Variants in ALDH1A2 observed in about 807,000 individuals in gnomAD.
ALDH1A2 encodes the protein retinal dehydrogenase 2.
A neutral mutation model predicts 60.3 loss-of-function variants in ALDH1A2; 27 were observed. The observed-to-expected ratio is 0.45, with a 90% CI of 0.33 to 0.62. The LOEUF is 0.62. Ranked by LOEUF, ALDH1A2 falls within the 20% of genes least tolerant of loss-of-function variation. The pLI is 0.02. For synonymous variants in ALDH1A2, 289 were observed against 232.4 expected, an observed-to-expected ratio of 1.24 and a Z score of -2.21; for missense variants, 581 against 643.8, an observed-to-expected ratio of 0.90 and a Z score of 1.06.
intron 1 of ALDH1A2, among the ~76,000 whole-genome samples, chr15:58,029,379 G>C (rs1055572924): frequency 1.3e-5 from 2 of 152,090 alleles, no homozygotes; most frequent in African/African-American, 2.4e-5. Flanking sequence ...AGAATCTCTG[G>C]GACACATTTA....
At chr15:57,983,086 A>G (rs1301356417) in intron 7 of ALDH1A2, among the ~76,000 whole-genome samples, 1 of 152,236 alleles carries the variant, frequency 6.6e-6, no homozygotes, top group East Asian at 1.9e-4. Context: ...GAATTCAAAA[A>G]AAATCTGCAG....
At chr15:58,058,017 T>C in intron 1 of ALDH1A2, 1 of 1,496,842 alleles carries the variant, frequency 6.7e-7, no homozygotes, top group Non-Finnish European at 8.9e-7. Flanking sequence ...TTCACCAGTT[T>C]CAGTTTTATT....
At chr15:58,045,774 T>C (rs1427553738) in intron 1 of ALDH1A2, among the ~76,000 whole-genome samples, 1 of 151,946 alleles carries the variant, frequency 6.6e-6, no homozygotes, top group African/African-American at 2.4e-5. Flanking sequence ...GGTACGTGTA[T>C]ACCTATGTAA....
At chr15:58,029,028 C>T (rs1566954107) in intron 1 of ALDH1A2, among the ~76,000 whole-genome samples, 1 of 152,164 alleles carries the variant, frequency 6.6e-6, no homozygotes, top group African/African-American at 2.4e-5. Context: ...AGGACTTGAA[C>T]TCAGCACTGA....
intron 1 of ALDH1A2, among the ~76,000 whole-genome samples, chr15:58,051,805 T>C (rs181234414): frequency 5.4e-4 from 82 of 152,306 alleles, no homozygotes; most frequent in Non-Finnish European, 1.0e-3. Context: ...GGCACTGACC[T>C]GCAAAGTGCT....
At chr15:57,958,149 C>T (rs1219382254) in intron 12 of ALDH1A2, among the ~76,000 whole-genome samples, 1 of 152,180 alleles carries the variant, frequency 6.6e-6, no homozygotes, top group Non-Finnish European at 1.5e-5. Flanking sequence ...CCTAGATACG[C>T]ATGCTTAACA....
intron 1 of ALDH1A2, among the ~76,000 whole-genome samples, chr15:58,046,165 G>T (rs968710955): frequency 2.0e-5 from 3 of 151,986 alleles, no homozygotes; most frequent in Admixed American, 2.0e-4. Context: ...GATATCTCAC[G>T]GTCTCCAAGG....
intron 3 of ALDH1A2, among the ~76,000 whole-genome samples, chr15:58,011,241 C>A (rs746527096): frequency 1.3e-5 from 2 of 152,042 alleles, no homozygotes; most frequent in Non-Finnish European, 2.9e-5. Context: ...AATGGAATAT[C>A]CATGGTGCAC....
At position 57,955,132 on chromosome 15, in the gene ALDH1A2, G is replaced by T; in HGVS notation, c.*65C>A. On this transcript the variant is annotated 3_prime_UTR_variant, in exon 13 of 13. Coordinates refer to ENST00000249750, the MANE Select transcript of ALDH1A2 (RefSeq NM_003888.4). ...TCAACTTTGTATTCCTGAGAGCTGG[G>T]CCCTACAGAGAAAGCAGAGAGGGAC... The T allele has an allele frequency of 1.4e-6, 2 of 1,477,322 alleles. No homozygotes were observed. Among genetic ancestry groups the T allele is most frequent in the Non-Finnish European group, 1.9e-6 (2 of 1,055,312 alleles). The allele number at this position is 1,477,322 out of a possible 1,614,324, so 91.5% of individuals were successfully genotyped here. A position where few individuals can be genotyped will look rare whatever the true frequency, so the allele number is the denominator to read the frequency against.
At chr15:58,057,596 G>A (rs1896927807) in intron 1 of ALDH1A2, among the ~76,000 whole-genome samples, 1 of 152,110 alleles carries the variant, frequency 6.6e-6, no homozygotes, top group African/African-American at 2.4e-5. Context: ...TTCATTTTCT[G>A]TCAAATATGT....
In ALDH1A2 at chr15:58,056,573, C is replaced by T. The variant is rs566074461; in HGVS notation, c.117+8961G>A. On this transcript the variant is annotated intron_variant, in intron 1 of 12. Transcript: ENST00000249750. ...TAAAGGAAAAATCCTTCTTCCTTTGCATTTAAAACTGTATGACAGTTACAC... is the reference window on the plus strand; with the variant it reads ...TAAAGGAAAAATCCTTCTTCCTTTGTATTTAAAACTGTATGACAGTTACAC... Among the ~76,000 whole-genome samples the T allele has an allele frequency of 4.3e-4, 66 of 151,976 alleles. 1 individual carries two copies. In the South Asian group the frequency reaches 0.012, roughly 27 times the overall value.
At chr15:58,032,371 G>C (rs1235833644) in intron 1 of ALDH1A2, among the ~76,000 whole-genome samples, 2 of 152,036 alleles carry the variant, frequency 1.3e-5, no homozygotes, top group African/African-American at 4.8e-5. Flanking sequence ...GGGGGAAGGG[G>C]GTAGGGATAG....
rs74017101 is a variant in ALDH1A2, at chr15:58,003,045, G to T, written c.493+7604C>A. Among the ~76,000 whole-genome samples, 1,249 of 151,988 alleles carry T rather than the reference G, an allele frequency of 8.2e-3. 21 individuals carry two copies. The highest frequency in any genetic ancestry group is 0.028 in the African/African-American group (1,181 of 41,496). ...GGTAGTTTCTAAGAAGTTAGATTAT[G>T]TTCCTGAGTCTGTCATGAAGATAGC... On this transcript the variant is annotated intron_variant, in intron 4 of 12. Coordinates refer to ENST00000249750, the MANE Select transcript of ALDH1A2 (RefSeq NM_003888.4).
chr15:57,992,908 G>T (rs760423034), intron 6 of ALDH1A2, 37 bp downstream of exon 6: 1 of 1,614,036 alleles, frequency 6.2e-7, no homozygotes, highest in Non-Finnish European at 8.5e-7. Flanking sequence ...CAGCTGTAAG[G>T]GGAGTCAGAA....
intron 7 of ALDH1A2, among the ~76,000 whole-genome samples, chr15:57,968,221 C>T (rs1235044970): frequency 6.6e-6 from 1 of 152,174 alleles, no homozygotes; most frequent in Non-Finnish European, 1.5e-5. Flanking sequence ...ACATATTATT[C>T]ATTAAATTAA....
At chr15:58,020,415 T>C (rs895968988) in intron 1 of ALDH1A2, among the ~76,000 whole-genome samples, 10 of 152,120 alleles carry the variant, frequency 6.6e-5, no homozygotes, top group Non-Finnish European at 1.3e-4. Flanking sequence ...ATACAGTACC[T>C]CCCACACCAA....
At chr15:58,062,344 A>G (rs1897062157) in intron 1 of ALDH1A2, among the ~76,000 whole-genome samples, 2 of 152,178 alleles carry the variant, frequency 1.3e-5, no homozygotes, top group Admixed American at 6.5e-5. Context: ...TACAGCCAGA[A>G]GAGAAGATAG....
intron 1 of ALDH1A2, among the ~76,000 whole-genome samples, chr15:58,054,597 C>G (rs1456621634): frequency 3.3e-5 from 5 of 152,100 alleles, no homozygotes; most frequent in African/African-American, 1.2e-4. Flanking sequence ...TGGCAAGCAT[C>G]TCTCTCACAG....
intron 1 of ALDH1A2, among the ~76,000 whole-genome samples, chr15:58,027,765 T>C (rs548533084): frequency 6.6e-6 from 1 of 152,054 alleles, no homozygotes; most frequent in Non-Finnish European, 1.5e-5. Flanking sequence ...CAAGCTTCAA[T>C]AGCTGATTCA....
Sources: gnomAD v4.1 joint callset for allele counts (sites outside exome capture counted in the v4.1 genomes callset) on GRCh38, gnomAD v4.1.1 for gene constraint, MANE v1.5 for transcripts, NCBI Gene and HGNC (gene_info 2026-07-23, HGNC 2026-07-21) for gene names.